The following PTPN14 variants were observed in gnomAD, a reference collection of about 807,000 sequenced individuals.
The protein encoded by PTPN14 is protein tyrosine phosphatase non-receptor type 14, also known as tyrosine-protein phosphatase non-receptor type 14.
A neutral mutation model predicts 126.8 loss-of-function variants in PTPN14; 53 were observed. The ratio of observed to expected loss-of-function variants is 0.42; its 90% CI spans 0.34 to 0.53. PTPN14 has a LOEUF of 0.53. PTPN14 is among the 20% of genes least tolerant of loss of function. The pLI is 0.08. For missense variants in PTPN14, 1,257 were observed against 1,552.9 expected (o/e 0.81, Z 3.20); for synonymous variants, 630 against 599.3 (o/e 1.05, Z -0.75).
intron 1 of PTPN14, among the ~76,000 whole-genome samples, chr1:214,481,043 C>G (rs2102674797): frequency 6.6e-6 from 1 of 152,032 alleles, no homozygotes; most frequent in South Asian, 2.1e-4. Flanking sequence ...CAAAACGTGT[C>G]AAGTAAAAAA....
chr1:214,451,039 A>C (rs528699098), intron 3 of PTPN14, among the ~76,000 whole-genome samples: 1 of 151,820 alleles, frequency 6.6e-6, no homozygotes, highest in Non-Finnish European at 1.5e-5. Flanking sequence ...CCTTAACTTT[A>C]CTCCCACTTT....
chr1:214,407,568 G>C (rs958675095), intron 5 of PTPN14, among the ~76,000 whole-genome samples: 1 of 151,398 alleles, frequency 6.6e-6, no homozygotes, highest in African/African-American at 2.4e-5. Flanking sequence ...TAACCATTAA[G>C]ACCAAGATTA....
chr1:214,433,618 C>G (rs1659841517), intron 3 of PTPN14, among the ~76,000 whole-genome samples: 1 of 151,858 alleles, frequency 6.6e-6, no homozygotes, highest in African/African-American at 2.4e-5. Flanking sequence ...AATGTAACAA[C>G]AAGCAGAGGG....
chr1:214,399,030 G>A (rs899890226), intron 7 of PTPN14, among the ~76,000 whole-genome samples: 1 of 152,178 alleles, frequency 6.6e-6, no homozygotes, highest in African/African-American at 2.4e-5. Context: ...GACTCCCAAA[G>A]TGCTGGGATT....
chr1:214,350,725 TTTTTTG>T lies in PTPN14; in HGVS notation c.*7191_*7196del, dbSNP rs1229409030. On this transcript the variant is annotated 3_prime_UTR_variant, in exon 19 of 19. Coordinates refer to ENST00000366956, the MANE Select transcript of PTPN14 (RefSeq NM_005401.5). ...CTGGCTAATTTTTTTTTTTTTTTTT[TTTTTTG>T]TATTTTTAGTAGAGACGGGATTTCA... 3.7e-4 allele frequency: 50 copies of T among 133,608 alleles called. No individual in the cohort carries two copies. The East Asian group carries it at 0.01, about 27-fold the overall frequency. The allele number at this position is 133,608 out of a possible 1,614,324, so 8.3% of individuals were successfully genotyped here.
intron 1 of PTPN14, chr1:214,483,481 C>T (rs908510900): frequency 2.8e-5 from 22 of 797,714 alleles, no homozygotes; most frequent in Non-Finnish European, 4.2e-5. Context: ...CCCTTCCCCA[C>T]CCGCCTCCAG....
In PTPN14 at chr1:214,349,779, A is replaced by G. The variant is rs1657667433; in HGVS notation, c.*8143T>C. 1.3e-5 allele frequency: 2 copies of G among 152,204 alleles called. No homozygotes were observed. The highest frequency in any genetic ancestry group is 4.8e-5 in the African/African-American group (2 of 41,448). 9.4% of individuals were successfully genotyped at this position (152,204 alleles called of 1,614,324 possible). On this transcript the variant is annotated 3_prime_UTR_variant, in exon 19 of 19. Transcript: ENST00000366956. ...TTAAGATTCCAAACAGTGGCAAGAA[A>G]GTTCAAAGGAAATTGCAGTAAAATT... is the stretch of plus-strand genomic sequence containing the variant.
At chr1:214,538,541 A>G (rs955633691) in intron 1 of PTPN14, among the ~76,000 whole-genome samples, 3 of 152,360 alleles carry the variant, frequency 2.0e-5, no homozygotes, top group Non-Finnish European at 2.9e-5. Context: ...TTAGCTTGAC[A>G]TAAGTAAAGA....
intron 10 of PTPN14, 138 bp downstream of exon 10, chr1:214,393,557 G>T: frequency 1.4e-6 from 1 of 697,582 alleles, no homozygotes; most frequent in East Asian, 2.7e-5. Context: ...TTCCTGCCCT[G>T]GCTTTAGCTT....
intron 1 of PTPN14, among the ~76,000 whole-genome samples, chr1:214,539,132 A>G (rs552833250): frequency 7.2e-5 from 11 of 152,328 alleles, no homozygotes; most frequent in Admixed American, 2.6e-4. Flanking sequence ...AAGCCACTAC[A>G]TGGTCTAAAT....
In PTPN14 at chr1:214,394,911, G is replaced by A; in HGVS notation, c.834C>T (p.Ala278=). The change falls in exon 9 of 19, where the codon GCC becomes GCT. Residue 278 remains alanine (A), a synonymous_variant. Transcript: ENST00000366956. The part of the protein sequence containing the change: ...LVELINKEET[A]LFHTDDIENA... Reference sequence around the variant, plus strand: ...CTGTTGTGCTTACCGTGTGAAAGAGGGCAGTCTCTTCTTTGTTGATGAGCT... The same window carrying A: ...CTGTTGTGCTTACCGTGTGAAAGAGAGCAGTCTCTTCTTTGTTGATGAGCT... 3 of 1,612,684 alleles carry A rather than the reference G, an allele frequency of 1.9e-6. No individual in the cohort carries two copies. Among genetic ancestry groups the A allele is most frequent in the Non-Finnish European group, 8.5e-7 (1 of 1,178,782 alleles).
chr1:214,372,842 A>G lies in PTPN14; in HGVS notation c.2908-3T>C, dbSNP rs1445773805. 1 of 1,613,694 alleles carries G rather than the reference A, an allele frequency of 6.2e-7. No homozygotes were observed. The highest frequency in any genetic ancestry group is 8.5e-7 in the Non-Finnish European group (1 of 1,179,812). On this transcript the variant is annotated splice_region_variant and splice_polypyrimidine_tract_variant and intron_variant, in intron 15 of 18. Transcript: ENST00000366956. Reference sequence around the variant, plus strand: ...CATTCTGCCCCGCCAACCACCACCTAAAAACCAAGAAAAGTATCGGTAAAT... The same window carrying G: ...CATTCTGCCCCGCCAACCACCACCTGAAAACCAAGAAAAGTATCGGTAAAT...
intron 1 of PTPN14, chr1:214,528,748 T>C (rs886190667): frequency 2.0e-5 from 3 of 152,098 alleles, no homozygotes; most frequent in Admixed American, 2.0e-4. Context: ...TTGGCCAATA[T>C]GGTGAAACTC....
Position 214,383,204 on chromosome 1 carries a change from A to G in PTPN14, c.2544+107T>C. The G allele has an allele frequency of 2.2e-6, 3 of 1,355,254 alleles. No individual in the cohort carries two copies. The highest frequency in any genetic ancestry group is 3.0e-6 in the Non-Finnish European group (3 of 992,516). The allele number at this position is 1,355,254 out of a possible 1,614,324, so 84.0% of individuals were successfully genotyped here. A position where few individuals can be genotyped will look rare whatever the true frequency, so the allele number is the denominator to read the frequency against. ...AGTACTACCTTTTAAATGCTCAATGATTCCTTAAAAACCTACCACGTTCCC... is the reference window on the plus strand; with the variant it reads ...AGTACTACCTTTTAAATGCTCAATGGTTCCTTAAAAACCTACCACGTTCCC... On this transcript the variant is annotated intron_variant, in intron 13 of 18. Coordinates refer to ENST00000366956, the MANE Select transcript of PTPN14 (RefSeq NM_005401.5). The surrounding 1 kb of genome is among the most constrained non-coding windows in gnomAD (Gnocchi z 4.4).
intron 1 of PTPN14, among the ~76,000 whole-genome samples, chr1:214,505,246 T>C (rs1385279366): frequency 6.6e-6 from 1 of 151,124 alleles, no homozygotes; most frequent in Non-Finnish European, 1.5e-5. Flanking sequence ...GACACCTACA[T>C]TCAATGGGTG....
chr1:214,369,450 C>T lies in PTPN14; in HGVS notation c.3271+7G>A. 1 of 1,610,562 alleles carries T rather than the reference C, an allele frequency of 6.2e-7. No homozygotes were observed. Among genetic ancestry groups the T allele is most frequent in the African/African-American group, 1.3e-5 (1 of 74,966 alleles). On this transcript the variant is annotated splice_region_variant and intron_variant, in intron 17 of 18. Transcript: ENST00000366956. The stretch of plus-strand genomic sequence containing the variant: ...TCAGGTAGCAGACTGGGAAGAAAAA[C>T]ACTTACATAAAAATCCTTGGACATC...
intron 2 of PTPN14, among the ~76,000 whole-genome samples, chr1:214,452,701 T>C (rs2102635989): frequency 6.6e-6 from 1 of 152,250 alleles, no homozygotes. Flanking sequence ...ACCAGTTTAG[T>C]TTTGAACAAC....
chr1:214,428,050 A>G lies in PTPN14; in HGVS notation c.345-13324T>C, dbSNP rs1659709003. ...GTAAGATGGGAAACCAGTGGAAGGT[A>G]CTGAGCAAAGGAGCTGCATAAACAG... On this transcript the variant is annotated intron_variant, in intron 3 of 18. Coordinates refer to ENST00000366956, the MANE Select transcript of PTPN14 (RefSeq NM_005401.5). Among the ~76,000 whole-genome samples, 3 of 152,334 alleles carry G rather than the reference A, an allele frequency of 2.0e-5. No individual in the cohort carries two copies. In the South Asian group the frequency reaches 6.2e-4, roughly 32 times the overall value.
At chr1:214,513,824 G>A (rs73077973) in intron 1 of PTPN14, among the ~76,000 whole-genome samples, 3,110 of 152,252 alleles carry the variant, frequency 0.02, 111 homozygotes, top group African/African-American at 0.071. Flanking sequence ...GAGATAATGT[G>A]TGCAAGGTGG....
Sources: gnomAD v4.1 joint callset for allele counts (sites outside exome capture counted in the v4.1 genomes callset) on GRCh38, gnomAD v4.1.1 for gene constraint, Gnocchi (gnomAD v3.1) non-coding constraint, MANE v1.5 for transcripts, NCBI Gene and HGNC (gene_info 2026-07-23, HGNC 2026-07-21) for gene names.